Variants in SEC16A observed in about 807,000 individuals in gnomAD.
SEC16A encodes protein transport protein Sec16A.
A neutral mutation model predicts 221.9 loss-of-function variants in SEC16A; 110 were observed. The ratio of observed to expected loss-of-function variants is 0.50; its 90% CI spans 0.42 to 0.58. The LOEUF is 0.58. Among genes scored for constraint, SEC16A ranks in the 20% least tolerant of loss-of-function variants. The probability of loss-of-function intolerance (pLI) is 0.00; values close to 1 mark genes in which losing one functional copy is unlikely to be tolerated. For missense variants in SEC16A, 3,165 were observed against 3,097.8 expected (o/e 1.02, Z -0.52); for synonymous variants, 1,393 against 1,257.7 (o/e 1.11, Z -2.28).
chr9:136,446,715 A>C, intron 28 of SEC16A, 140 bp downstream of exon 28: 11 of 804,442 alleles, frequency 1.4e-5, no homozygotes, highest in Non-Finnish European at 1.9e-5. Context: ...TCTCTACCAT[A>C]CATAAGTGTG....
chr9:136,475,309 C>A lies in SEC16A; in HGVS notation c.2307G>T (p.Gln769His), dbSNP rs1327001306. 1.9e-6 allele frequency: 3 copies of A among 1,613,076 alleles called. No individual in the cohort carries two copies. Among genetic ancestry groups the A allele is most frequent in the Admixed American group, 1.7e-5 (1 of 59,982 alleles). ...GGGCCGCCGAGCTTGGGTTCCGTGACTGCTGCCCGGACATCGCCTCTTCTG... is the reference window on the plus strand; with the variant it reads ...GGGCCGCCGAGCTTGGGTTCCGTGAATGCTGCCCGGACATCGCCTCTTCTG... Reference protein sequence around the residue: ...QPPEEAMSGQQSRNPSSAAPV... With the variant: ...QPPEEAMSGQHSRNPSSAAPV... The change falls in exon 3 of 32, where the codon CAG becomes CAT. Residue 769 changes from glutamine (Q) to histidine (H), a missense_variant. Coordinates refer to ENST00000684901, the MANE Select transcript of SEC16A (RefSeq NM_014866.2). This position sits in a 1 kb window ranked among gnomAD's most constrained non-coding sequence, Gnocchi z 5.0.
intron 9 of SEC16A, 105 bp downstream of exon 9, chr9:136,464,315 G>GT: frequency 9.3e-7 from 1 of 1,071,680 alleles, no homozygotes. Context: ...TTCCAAGGAC[G>GT]TATGTCCAGA....
rs1838468209 is a variant in SEC16A, at chr9:136,455,288, CG to C, written c.5857+312del. Among the ~76,000 whole-genome samples, 3 of 152,214 alleles carry C rather than the reference CG, an allele frequency of 2.0e-5. No individual in the cohort carries two copies. The South Asian group carries it at 6.2e-4, about 32-fold the overall frequency. On this transcript the variant is annotated intron_variant, in intron 20 of 31. Coordinates refer to ENST00000684901, the MANE Select transcript of SEC16A (RefSeq NM_014866.2). The stretch of plus-strand genomic sequence containing the variant: ...CCGAGGGCGCCGCCCAGACACGGTG[CG>C]GCTGAGGCTCCCGGAGAAACAAGCA...
Position 136,447,876 on chromosome 9 carries a change from T to G in SEC16A, c.6424A>C (p.Asn2142His). 5 of 1,610,212 alleles carry G rather than the reference T, an allele frequency of 3.1e-6. No individual in the cohort carries two copies. The highest frequency in any genetic ancestry group is 4.2e-6 in the Non-Finnish European group (5 of 1,177,944). Reference sequence around the variant, plus strand: ...ACCTCCTCTTCTGGCTCATTTAAATTCACCCACTGGTTTTTCTTTTCATCC... The same window carrying G: ...ACCTCCTCTTCTGGCTCATTTAAATGCACCCACTGGTTTTTCTTTTCATCC... ...VWDEKKNQWV[N>H]LNEPEEEKKA... Residue 2142 changes from asparagine to histidine, a missense_variant, in exon 25 of 32, where the codon AAT (asparagine) becomes CAT (histidine). Asn to His is a moderately conservative substitution (Grantham distance 68, BLOSUM62 1). Transcript: ENST00000684901. The surrounding 1 kb of genome is among the most constrained non-coding windows in gnomAD (Gnocchi z 5.5).
At chr9:136,483,352 C>T, upstream of SEC16A, 1 of 372,576 alleles carries the variant, frequency 2.7e-6, no homozygotes. Context: ...CCTCTTCCGT[C>T]GTTCCTCGCC....
At chr9:136,467,520 G>A (rs1014159984) in intron 5 of SEC16A, among the ~76,000 whole-genome samples, 4 of 152,080 alleles carry the variant, frequency 2.6e-5, no homozygotes, top group South Asian at 4.2e-4. Flanking sequence ...TCTCTTTCAC[G>A]GTTGCTGCTT....
At chr9:136,470,774 GA>G (rs939392531) in intron 4 of SEC16A, among the ~76,000 whole-genome samples, 1 of 152,170 alleles carries the variant, frequency 6.6e-6, no homozygotes, top group Non-Finnish European at 1.5e-5. Flanking sequence ...TAAGCACGAG[GA>G]ACCTTTCAAA....
Position 136,468,444 on chromosome 9 carries a change from C to T in SEC16A, c.3773G>A (p.Ser1258Asn), listed in dbSNP as rs1840426628. 6.2e-7 allele frequency: 1 copy of T among 1,613,096 alleles called. No homozygotes were observed. Among genetic ancestry groups the T allele is most frequent in the Non-Finnish European group, 8.5e-7 (1 of 1,179,100 alleles). Residue 1258 changes from serine (S) to asparagine (N), a missense_variant, in exon 5 of 32, where the codon AGC becomes AAC. Transcript: ENST00000684901. ...GWSSQSDYYA[S>N]YYSSQYDYGD... ...ATAATCGTACTGGCTGGAGTAATAG[C>T]TTGCATAGTAATCGCTCTGACTGCT...
At position 136,476,633 on chromosome 9, in the gene SEC16A, C is replaced by T. The variant is rs1433904976; in HGVS notation, c.983G>A (p.Arg328Gln). 5.7e-6 allele frequency: 9 copies of T among 1,580,338 alleles called. No individual in the cohort carries two copies. Among genetic ancestry groups the T allele is most frequent in the Non-Finnish European group, 6.9e-6 (8 of 1,161,046 alleles). The change falls in exon 3 of 32, where the codon CGG becomes CAG. Residue 328 changes from arginine to glutamine, a missense_variant. Physicochemically the swap from Arg to Gln is conservative, Grantham distance 43 (BLOSUM62 1). Around this residue, in one of 3 missense-constraint regions of SEC16A, gnomAD observed 2,030 missense variants for 1,923.1 expected, o/e 1.06. Transcript: ENST00000684901. ...GGGGTTCACAAGAGCAGAGGCGGGC[C>T]GGTGCTCATTCTTCACTCCTGGATT... The part of the protein sequence containing the change: ...RQNPGVKNEH[R>Q]PASALVNPLA...
intron 12 of SEC16A, among the ~76,000 whole-genome samples, chr9:136,461,801 T>C (rs1273412385): frequency 6.6e-6 from 1 of 152,122 alleles, no homozygotes; most frequent in Admixed American, 6.5e-5. Context: ...TTATAAAACA[T>C]CCATAATAGA....
At chr9:136,449,926 G>A (rs913186798) in intron 23 of SEC16A, among the ~76,000 whole-genome samples, 3 of 152,244 alleles carry the variant, frequency 2.0e-5, no homozygotes, top group South Asian at 2.1e-4. Context: ...TTACTAGGCC[G>A]GGCATGGTGG....
rs1841786944 is a variant in SEC16A, at chr9:136,477,399, T to G, written c.217A>C (p.Ser73Arg). Residue 73 changes from serine (S) to arginine (R), a missense_variant, in exon 3 of 32, where the codon AGC (serine) becomes CGC (arginine). Around this residue, in one of 3 missense-constraint regions of SEC16A, gnomAD observed 2,030 missense variants for 1,923.1 expected, o/e 1.06. Transcript: ENST00000684901. ...QSTPLGSSSKSSPPVLQGPAP... is the reference protein window; with the variant it reads ...QSTPLGSSSKRSPPVLQGPAP... ...GGGCCTTGCAAGACAGGTGGACTGC[T>G]TTTGGACGAACTGCCCAGTGGTGTA... The G allele has an allele frequency of 6.2e-7, 1 of 1,613,886 alleles. No individual in the cohort carries two copies. Among genetic ancestry groups the G allele is most frequent in the East Asian group, 2.2e-5 (1 of 44,886 alleles).
Position 136,472,053 on chromosome 9 carries a change from T to A in SEC16A, c.3626A>T (p.Tyr1209Phe), listed in dbSNP as rs777475897. ...CTCGGGATAGCGGTAGTTCTGGGCG[T>A]AAGCAGACGCAGCACCATCATAGGG... The part of the protein sequence containing the change: ...YRPYDGAASA[Y>F]AQNYRYPEPE... Residue 1209 changes from tyrosine to phenylalanine, a missense_variant, in exon 4 of 32, where the codon TAC becomes TTC. Transcript: ENST00000684901. 6.2e-7 allele frequency: 1 copy of A among 1,613,424 alleles called. No homozygotes were observed. The highest frequency in any genetic ancestry group is 1.1e-5 in the South Asian group (1 of 91,084).
chr9:136,453,484 C>T lies in SEC16A; in HGVS notation c.6103G>A (p.Gly2035Arg). 1 of 1,613,478 alleles carries T rather than the reference C, an allele frequency of 6.2e-7. No individual in the cohort carries two copies. Among genetic ancestry groups the T allele is most frequent in the Non-Finnish European group, 8.5e-7 (1 of 1,179,498 alleles). The change falls in exon 22 of 32, where the codon GGA (glycine) becomes AGA (arginine). Residue 2035 changes from glycine to arginine, a missense_variant. Transcript: ENST00000684901. ...PGIVPQEAPV[G>R]NSLSELSEEN... ...TCGCTTAGCTCGGAAAGTGAGTTTC[C>T]AACAGGCGCCTCCTGCGGCACTATC...
Position 136,462,894 on chromosome 9 carries a change from C to G in SEC16A, c.4886G>C (p.Arg1629Pro). ...ERFRELLLYGRKKDALESAMK... is the reference protein window; with the variant it reads ...ERFRELLLYGPKKDALESAMK... ...CATGATGAGGAGGCGCACCTTCTTA[C>G]GGCCATACAGCAACAGCTCCCTGAA... The change falls in exon 12 of 32, where the codon CGT (arginine) becomes CCT (proline). Residue 1629 changes from arginine to proline, a missense_variant. By Grantham distance (103) the Arg-to-Pro change is moderately radical. Transcript: ENST00000684901. 1 of 1,600,588 alleles carries G rather than the reference C, an allele frequency of 6.2e-7. No individual in the cohort carries two copies. Among genetic ancestry groups the G allele is most frequent in the Non-Finnish European group, 8.5e-7 (1 of 1,179,734 alleles).
chr9:136,457,304 T>G, intron 18 of SEC16A, 140 bp downstream of exon 18: 1 of 903,878 alleles, frequency 1.1e-6, no homozygotes, highest in Non-Finnish European at 1.6e-6. Context: ...CAAAGATCTT[T>G]ATCCGCCCAA....
chr9:136,441,954 C>T lies in SEC16A; in HGVS notation c.7006-131G>A, dbSNP rs181829448. 3.4e-4 allele frequency: 263 copies of T among 772,506 alleles called. No individual in the cohort carries two copies. The African/African-American group carries it at 4.2e-3, about 12-fold the overall frequency. The allele number at this position is 772,506 out of a possible 1,614,324, so 47.9% of individuals were successfully genotyped here. A position where few individuals can be genotyped will look rare whatever the true frequency, so the allele number is the denominator to read the frequency against. ...ATTGGCGCTGACAAGCTGAAGGCTT[C>T]GTTTTTGTTTCCAAAAGCCTCTGGA... On this transcript the variant is annotated intron_variant, in intron 31 of 31. Transcript: ENST00000684901.
In SEC16A at chr9:136,467,151, A is replaced by G. The variant is rs1041021586; in HGVS notation, c.3803-68T>C. On this transcript the variant is annotated intron_variant, in intron 5 of 31. Coordinates refer to ENST00000684901, the MANE Select transcript of SEC16A (RefSeq NM_014866.2). ...GAAGAAATGCCTCAGATATCACTAA[A>G]GAAGCGACACCACCCCAGGACTTTA... The G allele has an allele frequency of 1.5e-5, 24 of 1,577,756 alleles. No homozygotes were observed. In the African/African-American group the frequency reaches 3.2e-4, roughly 21 times the overall value.
chr9:136,484,665 T>G (rs774771139), upstream of SEC16A: 2 of 1,366,154 alleles, frequency 1.5e-6, no homozygotes, highest in South Asian at 2.3e-5. Flanking sequence ...GGGGGTGATA[T>G]CCGTGCCACG....
Sources: gnomAD v4.1 joint callset for allele counts (sites outside exome capture counted in the v4.1 genomes callset) on GRCh38, gnomAD v4.1.1 for gene constraint, gnomAD v4.1.1 regional missense constraint, Gnocchi (gnomAD v3.1) non-coding constraint, MANE v1.5 for transcripts, NCBI Gene and HGNC (gene_info 2026-07-23, HGNC 2026-07-21) for gene names.